Variants in FGF13 observed in about 807,000 individuals in gnomAD.
FGF13 encodes the protein fibroblast growth factor homologous factor 2.
In FGF13, 2 loss-of-function variants were observed where a neutral mutation model predicts 19.5. The observed-to-expected ratio is 0.10, with a 90% CI of 0.04 to 0.32. The LOEUF is 0.32. Ranked by LOEUF, FGF13 falls within the 10% of genes least tolerant of loss-of-function variation. The pLI, the probability that FGF13 is intolerant of heterozygous loss-of-function variation, is 1.00. For missense variants in FGF13, 113 were observed against 192.7 expected (o/e 0.59, Z 2.45); for synonymous variants, 72 against 76.9 (o/e 0.94, Z 0.33).
chrX:138,951,089 G>T (rs188496975), intron 1 of FGF13, among the ~76,000 whole-genome samples: 394 of 111,803 alleles, frequency 3.5e-3, no homozygotes, highest in South Asian at 4.9e-3. Flanking sequence ...ACAAATGAGA[G>T]AATTGATACA....
At chrX:138,925,019 C>A (rs1451791976) in intron 1 of FGF13, among the ~76,000 whole-genome samples, 1 of 111,087 alleles carries the variant, frequency 9.0e-6, no homozygotes, top group Non-Finnish European at 1.9e-5. Flanking sequence ...TCAATGAAAA[C>A]AGCAGGGCAG....
intron 3 of FGF13, among the ~76,000 whole-genome samples, chrX:138,835,486 T>A (rs983566463): frequency 1.2e-4 from 13 of 112,109 alleles, no homozygotes; most frequent in Non-Finnish European, 2.1e-4. Flanking sequence ...CAACCTCTAC[T>A]TTTTCTGTTT....
intron 1 of FGF13, among the ~76,000 whole-genome samples, chrX:139,059,750 A>G (rs940600681): frequency 8.9e-6 from 1 of 112,674 alleles, no homozygotes; most frequent in Non-Finnish European, 1.9e-5. Context: ...TTAAACTGCC[A>G]TATAGCCTTC....
rs187180090 is a variant in FGF13, at chrX:138,649,765, G to T, written c.403-14110C>A. 2.3e-4 allele frequency among the ~76,000 whole-genome samples: 26 copies of T among 112,450 alleles called. No homozygotes were observed. In the East Asian group the frequency reaches 6.7e-3, roughly 29 times the overall value. The stretch of plus-strand genomic sequence containing the variant: ...TGTTCTCTAGGTAAAGCAGGTATAA[G>T]TTCTGGTTCCAGAAAGAAAGTGGTT... On this transcript the variant is annotated intron_variant, in intron 3 of 4. Coordinates refer to ENST00000315930, the MANE Select transcript of FGF13 (RefSeq NM_004114.5).
chrX:139,188,139 T>C (rs1347138537), intron 1 of FGF13, among the ~76,000 whole-genome samples: 1 of 111,953 alleles, frequency 8.9e-6, no homozygotes, highest in Admixed American at 9.4e-5. Context: ...CCTTTTTATT[T>C]CTCCCACTAT....
At position 138,821,554 on chromosome X, in the gene FGF13, T is replaced by G. The variant is rs184562367; in HGVS notation, c.217+35958A>C. On this transcript the variant is annotated intron_variant, in intron 3 of 6. Transcript: ENST00000436198. ...TACAAGATTTTGAAGACTTCGTATTTAGAAAGTACACTATTTCACTAAATA... is the reference window on the plus strand; with the variant it reads ...TACAAGATTTTGAAGACTTCGTATTGAGAAAGTACACTATTTCACTAAATA... 3.6e-5 allele frequency among the ~76,000 whole-genome samples: 4 copies of G among 112,125 alleles called. No homozygotes were observed. In the East Asian group the frequency reaches 1.1e-3, roughly 31 times the overall value.
chrX:138,919,893 T>C (rs2091636035), intron 1 of FGF13, among the ~76,000 whole-genome samples: 2 of 111,209 alleles, frequency 1.8e-5, no homozygotes, highest in Non-Finnish European at 3.8e-5. Context: ...CTCTAAAGAT[T>C]TTACCAATGG....
chrX:139,184,666 G>A (rs1200405951), intron 1 of FGF13, among the ~76,000 whole-genome samples: 2 of 110,914 alleles, frequency 1.8e-5, no homozygotes, highest in African/African-American at 6.5e-5. Context: ...ACACACACAC[G>A]AATGTAAGCC....
chrX:139,000,790 C>G (rs1167978886), intron 1 of FGF13, among the ~76,000 whole-genome samples: 2 of 111,845 alleles, frequency 1.8e-5, no homozygotes, highest in African/African-American at 6.5e-5. Context: ...ATGCCATCAC[C>G]ATCAAGCTAC....
intron 1 of FGF13, among the ~76,000 whole-genome samples, chrX:139,191,234 G>A (rs1363373633): frequency 8.9e-6 from 1 of 112,054 alleles, no homozygotes; most frequent in Non-Finnish European, 1.9e-5. Flanking sequence ...TCAGATCCTG[G>A]GGAGATGCCT....
At chrX:138,953,684 A>T (rs2091826213) in intron 1 of FGF13, among the ~76,000 whole-genome samples, 1 of 111,790 alleles carries the variant, frequency 8.9e-6, no homozygotes. Flanking sequence ...ATGCCCATCA[A>T]CAGTAGAATG....
rs2084211615 is a variant in FGF13 at position 139,178,528 on chromosome X, C to T, written c.-113+24888G>A. Reference sequence around the variant, plus strand: ...CCATCACAAACTTAGAGCCAAAGCCCACACTCCACATCACCATGTCACATA... The same window carrying T: ...CCATCACAAACTTAGAGCCAAAGCCTACACTCCACATCACCATGTCACATA... On this transcript the variant is annotated intron_variant, in intron 1 of 2. Transcript: ENST00000421460. 2.7e-5 allele frequency among the ~76,000 whole-genome samples: 3 copies of T among 111,866 alleles called. No homozygotes were observed. The Admixed American group carries it at 2.8e-4, about 11-fold the overall frequency.
At chrX:139,139,620 C>T (rs1460635202) in intron 1 of FGF13, among the ~76,000 whole-genome samples, 1 of 111,947 alleles carries the variant, frequency 8.9e-6, no homozygotes, top group Non-Finnish European at 1.9e-5. Flanking sequence ...TTCAAATATA[C>T]CTTAAAGAAA....
intron 1 of FGF13, among the ~76,000 whole-genome samples, chrX:139,171,640 C>T (rs1482096366): frequency 8.9e-6 from 1 of 111,986 alleles, no homozygotes; most frequent in East Asian, 2.8e-4. Context: ...AAAAAAAAAT[C>T]AATTTAATTT....
chrX:139,058,232 T>C (rs1191570957), intron 1 of FGF13, among the ~76,000 whole-genome samples: 1 of 111,876 alleles, frequency 8.9e-6, no homozygotes, highest in Non-Finnish European at 1.9e-5. Flanking sequence ...CTGGAAGGGC[T>C]TCAAACATTT....
At chrX:138,716,599 GAAAA>G (rs1212947264), upstream of FGF13, 1 of 110,820 alleles carries the variant, frequency 9.0e-6, no homozygotes, top group Non-Finnish European at 1.9e-5. Flanking sequence ...AGAAAAATAA[GAAAA>G]AAGAAAGAAA....
At chrX:138,840,046 C>A (rs984020284) in intron 3 of FGF13, among the ~76,000 whole-genome samples, 1 of 111,644 alleles carries the variant, frequency 9.0e-6, no homozygotes, top group African/African-American at 3.3e-5. Context: ...TGCTCTTAAT[C>A]CAATGTCAGA....
chrX:138,865,379 C>T (rs147924424), intron 1 of FGF13, among the ~76,000 whole-genome samples: 4,141 of 110,375 alleles, frequency 0.038, 92 homozygotes, highest in Non-Finnish European at 0.061. Flanking sequence ...TTGAAAATTA[C>T]TGCTCTAAGT....
intron 3 of FGF13, among the ~76,000 whole-genome samples, chrX:138,691,238 C>T (rs765182153): frequency 1.5e-3 from 166 of 111,543 alleles, no homozygotes; most frequent in Non-Finnish European, 2.5e-3. Flanking sequence ...TTCATTAACA[C>T]GTTAATTACA....
Sources: gnomAD v4.1 joint callset for allele counts (sites outside exome capture counted in the v4.1 genomes callset) on GRCh38, gnomAD v4.1.1 for gene constraint, MANE v1.5 for transcripts, NCBI Gene and HGNC (gene_info 2026-07-23, HGNC 2026-07-21) for gene names.